FBN1: variants seen among roughly 807,000 people sequenced by gnomAD.
FBN1 encodes fibrillin-1.
FBN1 carries 29 observed loss-of-function variants against 365.1 expected under a neutral mutation model. The ratio of observed to expected loss-of-function variants is 0.08; its 90% confidence interval spans 0.06 to 0.11. FBN1 has a LOEUF of 0.11. FBN1 is among the 10% of genes least tolerant of loss of function. The pLI, the probability that FBN1 is intolerant of heterozygous loss-of-function variation, is 1.00. For missense variants in FBN1, 2,476 were observed against 3,703.2 expected, an observed-to-expected ratio of 0.67 and a Z score of 8.60; for synonymous variants, 1,210 against 1,270.5, an observed-to-expected ratio of 0.95 and a Z score of 1.01.
chr15:48,559,236 G>C (rs570780534), intron 6 of FBN1, among the ~76,000 whole-genome samples: 1 of 152,158 alleles, frequency 6.6e-6, no homozygotes, highest in African/African-American at 2.4e-5. Flanking sequence ...TTATTGGCTA[G>C]TACAGCCTGT....
intron 13 of FBN1, 95 bp from the exon 14 acceptor site, chr15:48,510,264 G>A: frequency 7.7e-7 from 1 of 1,298,350 alleles, no homozygotes; most frequent in Non-Finnish European, 1.1e-6. Flanking sequence ...TCATGATCTT[G>A]GCTTTTGGTT....
chr15:48,644,942 C>A lies in FBN1; in HGVS notation c.-173G>T. ...AGGCGCTGCTCCCACTTCAGGCGGC[C>A]CCTGCCAGCTGCAACACAGAGACAA... is the stretch of plus-strand genomic sequence containing the variant. On this transcript the variant is annotated 5_prime_UTR_variant, in exon 2 of 66. Transcript: ENST00000316623. 2.0e-6 allele frequency: 1 copy of A among 497,820 alleles called. No individual in the cohort carries two copies. Among genetic ancestry groups the A allele is most frequent in the Non-Finnish European group, 3.1e-6 (1 of 323,978 alleles). The allele number at this position is 497,820 out of a possible 1,614,324, so 30.8% of individuals were successfully genotyped here. A position where few individuals can be genotyped will look rare whatever the true frequency, so the allele number is the denominator to read the frequency against.
rs1566897382 is a variant in FBN1, at chr15:48,441,741, G to A, written c.6143C>T (p.Ser2048Phe). 6.2e-7 allele frequency: 1 copy of A among 1,613,630 alleles called. No individual in the cohort carries two copies. Among genetic ancestry groups the A allele is most frequent in the South Asian group, 1.1e-5 (1 of 91,086 alleles). ...CLCPEGFSLS[S>F]SGRRCQDLRM... ...CTTACCTTGGCACCTTCTTCCACTG[G>A]AGGACAAGGAAAACCCTTCTGGACA... The change falls in exon 50 of 66, where the codon TCC becomes TTC. Residue 2048 changes from serine to phenylalanine, a missense_variant. By Grantham distance (155) the Ser-to-Phe change is radical. Transcript: ENST00000316623.
intron 4 of FBN1, among the ~76,000 whole-genome samples, chr15:48,609,069 G>A (rs1035678077): frequency 2.0e-5 from 3 of 152,200 alleles, no homozygotes; most frequent in African/African-American, 7.2e-5. Context: ...TTCCAACCCT[G>A]AGATGCTTAT....
intron 10 of FBN1, among the ~76,000 whole-genome samples, chr15:48,520,176 A>G (rs1373263552): frequency 6.6e-6 from 1 of 152,134 alleles, no homozygotes; most frequent in East Asian, 1.9e-4. Flanking sequence ...AGTCCAGACT[A>G]GAGAAAATAC....
intron 6 of FBN1, among the ~76,000 whole-genome samples, chr15:48,565,415 A>C (rs1398082695): frequency 6.6e-6 from 1 of 152,118 alleles, no homozygotes; most frequent in Non-Finnish European, 1.5e-5. Context: ...AGAGTGAACC[A>C]CTGTAAACAT....
At chr15:48,554,925 G>GT (rs2044168021) in intron 6 of FBN1, among the ~76,000 whole-genome samples, 1 of 152,126 alleles carries the variant, frequency 6.6e-6, no homozygotes, top group African/African-American at 2.4e-5. Context: ...CTGTCTGATT[G>GT]TAACTCTTTC....
intron 2 of FBN1, among the ~76,000 whole-genome samples, chr15:48,619,820 C>G (rs905022794): frequency 4.0e-5 from 6 of 150,726 alleles, no homozygotes; most frequent in Non-Finnish European, 7.4e-5. Context: ...AATCATGACA[C>G]GAGTTTACCT....
chr15:48,410,059 A>G lies in FBN1; in HGVS notation c.*931T>C, dbSNP rs572464177. 28 of 152,744 alleles carry G rather than the reference A, an allele frequency of 1.8e-4. No homozygotes were observed. Among genetic ancestry groups the G allele is most frequent in the African/African-American group, 6.7e-4 (28 of 41,560 alleles). 9.5% of individuals were successfully genotyped at this position (152,744 alleles called of 1,614,324 possible). On this transcript the variant is annotated 3_prime_UTR_variant, in exon 66 of 66. Transcript: ENST00000316623. ...TCCAACCCCAAATCCATGCAAGAAC[A>G]CAAAGCCAAGGGGTAAACTAAAAAA...
At chr15:48,495,691 A>C in intron 20 of FBN1, 103 bp from the exon 21 acceptor site, 1 of 1,439,204 alleles carries the variant, frequency 6.9e-7, no homozygotes, top group Non-Finnish European at 9.7e-7. Context: ...TTAATCCCAC[A>C]CAGTAAAGCT....
chr15:48,605,413 T>A (rs1272735920), intron 4 of FBN1, among the ~76,000 whole-genome samples: 1 of 152,062 alleles, frequency 6.6e-6, no homozygotes, highest in African/African-American at 2.4e-5. Context: ...TTACTCAAAT[T>A]TGAAAACATT....
At chr15:48,484,965 T>A (rs2043493507) in intron 30 of FBN1, among the ~76,000 whole-genome samples, 1 of 152,204 alleles carries the variant, frequency 6.6e-6, no homozygotes, top group Non-Finnish European at 1.5e-5. Context: ...CCTCAGTAGT[T>A]TCTGATACGG....
chr15:48,435,410 C>G (rs1042497515), intron 53 of FBN1, among the ~76,000 whole-genome samples: 1 of 151,644 alleles, frequency 6.6e-6, no homozygotes, highest in African/African-American at 2.4e-5. Context: ...TACATTACAT[C>G]ACTCCCCAAG....
chr15:48,552,910 A>C (rs965716085), intron 6 of FBN1, among the ~76,000 whole-genome samples: 7 of 152,162 alleles, frequency 4.6e-5, no homozygotes, highest in Non-Finnish European at 8.8e-5. Flanking sequence ...TTCCTTCCTA[A>C]GCTCATATTC....
At chr15:48,609,688 C>T (rs1031172981) in intron 4 of FBN1, among the ~76,000 whole-genome samples, 1 of 152,206 alleles carries the variant, frequency 6.6e-6, no homozygotes, top group Non-Finnish European at 1.5e-5. Flanking sequence ...GCACTTCCAG[C>T]TTGCCCTGCA....
chr15:48,429,316 C>T (rs2043007745), intron 56 of FBN1, among the ~76,000 whole-genome samples: 2 of 151,898 alleles, frequency 1.3e-5, no homozygotes, highest in African/African-American at 4.8e-5. Context: ...GATTATATCT[C>T]CAATATAGGT....
At chr15:48,520,592 G>A in intron 10 of FBN1, 67 bp downstream of exon 10, 2 of 1,577,132 alleles carry the variant, frequency 1.3e-6, no homozygotes, top group East Asian at 2.3e-5. Context: ...TCTGCATCAT[G>A]CACATTGCCA....
chr15:48,529,077 G>T (rs573036815), intron 8 of FBN1: 2 of 152,332 alleles, frequency 1.3e-5, no homozygotes, highest in South Asian at 4.1e-4. Flanking sequence ...GAGGGAATTT[G>T]AGAACGGTCA....
chr15:48,491,127 T>C (rs1026998243), intron 24 of FBN1, among the ~76,000 whole-genome samples: 2 of 152,208 alleles, frequency 1.3e-5, no homozygotes, highest in Admixed American at 6.5e-5. Flanking sequence ...TAGAAGAAGA[T>C]TCTCATTAAA....
Sources: allele counts gnomAD v4.1 joint callset (sites outside exome capture counted in the v4.1 genomes callset), GRCh38; gene constraint gnomAD v4.1.1; transcripts MANE v1.5; gene names NCBI Gene and HGNC (gene_info 2026-07-23, HGNC 2026-07-21).